The following AGO2 variants were observed in gnomAD, a reference collection of about 807,000 sequenced individuals.
AGO2 encodes the protein protein argonaute-2.
Under a neutral mutation model 102.3 loss-of-function variants are expected in AGO2, and 5 were observed. The observed-to-expected ratio is 0.05, with a 90% CI of 0.03 to 0.10. The LOEUF is 0.10. Among genes scored for constraint, AGO2 ranks in the 10% least tolerant of loss-of-function variants. AGO2 has a pLI of 1.00. For synonymous variants in AGO2, 449 were observed against 473.1 expected, an observed-to-expected ratio of 0.95 and a Z score of 0.66; for missense variants, 541 against 1,183.7, an observed-to-expected ratio of 0.46 and a Z score of 7.97.
At chr8:140,611,822 C>G (rs539145961) in intron 1 of AGO2, among the ~76,000 whole-genome samples, 3 of 152,286 alleles carry the variant, frequency 2.0e-5, no homozygotes, top group African/African-American at 4.8e-5. Context: ...AAGAAAATGG[C>G]TGATGGTGTC....
At chr8:140,538,549 C>G (rs1421366273) in intron 16 of AGO2, among the ~76,000 whole-genome samples, 2 of 152,236 alleles carry the variant, frequency 1.3e-5, no homozygotes, top group African/African-American at 4.8e-5. Flanking sequence ...CCTCATTCCC[C>G]TTCCGGAACA....
rs186159637 is a variant in AGO2 at position 140,587,286 on chromosome 8, T to C, written c.23-1975A>G. ...TCATAAAACATGCAATTTCCTAAGA[T>C]AGTTCTTTCTTGCTTCTAGCTTTCA... On this transcript the variant is annotated intron_variant, in intron 1 of 18. Transcript: ENST00000220592. Among the ~76,000 whole-genome samples, 19 of 152,366 alleles carry C rather than the reference T, an allele frequency of 1.2e-4. 1 individual carries two copies. In the East Asian group the frequency reaches 3.7e-3, roughly 29 times the overall value.
chr8:140,611,713 C>T (rs1473417532), intron 1 of AGO2, among the ~76,000 whole-genome samples: 1 of 152,056 alleles, frequency 6.6e-6, no homozygotes, highest in East Asian at 1.9e-4. Flanking sequence ...GTGAGGCTAC[C>T]CCAAGGAGAG....
chr8:140,542,573 GAA>G lies in AGO2; in HGVS notation c.1840-1217_1840-1216del, dbSNP rs199982320. The stretch of plus-strand genomic sequence containing the variant: ...CAGATTTCTCTGTTCCTGAAAACTT[GAA>G]AAAAAAAAAAAAAACCAGCCTAAGG... On this transcript the variant is annotated intron_variant, in intron 14 of 18. Transcript: ENST00000220592. Among the ~76,000 whole-genome samples, 428 of 101,746 alleles carry G rather than the reference GAA, an allele frequency of 4.2e-3. 3 individuals are homozygous for G. Among genetic ancestry groups the G allele is most frequent in the African/African-American group, 0.013 (397 of 30,920 alleles). 66.7% of individuals were successfully genotyped at this position (101,746 alleles called of 152,430 possible). A position where few individuals can be genotyped will look rare whatever the true frequency, so the allele number is the denominator to read the frequency against.
intron 1 of AGO2, among the ~76,000 whole-genome samples, chr8:140,631,623 G>A (rs771274741): frequency 2.0e-5 from 3 of 152,222 alleles, no homozygotes; most frequent in South Asian, 4.1e-4. Context: ...CTTTAGAGGC[G>A]GAAGGCAGAG....
rs746398455 is a variant in AGO2 at position 140,532,433 on chromosome 8, C to T, written c.2454G>A (p.Val818=). 2 of 1,613,598 alleles carry T rather than the reference C, an allele frequency of 1.2e-6. No homozygotes were observed. The highest frequency in any genetic ancestry group is 1.7e-6 in the Non-Finnish European group (2 of 1,179,902). ...LVAFRARYHL[V]DKEHDSAEGS... is the part of the protein sequence containing the mutation. ...CCACTCACCTGTCATGTTCCTTATC[C>T]ACCAGGTGGTACCTGGCCCGGAAGG... The change falls in exon 18 of 19, where the codon GTG becomes GTA. Residue 818 remains valine (V), a synonymous_variant. Transcript: ENST00000220592.
At chr8:140,553,745 C>G (rs1388352845) in intron 10 of AGO2, among the ~76,000 whole-genome samples, 6 of 151,650 alleles carry the variant, frequency 4.0e-5, no homozygotes, top group Non-Finnish European at 7.4e-5. Context: ...GTTGCCCAGG[C>G]TGGAGTAAAG....
At chr8:140,621,174 T>C (rs1271400197) in intron 1 of AGO2, among the ~76,000 whole-genome samples, 2 of 152,196 alleles carry the variant, frequency 1.3e-5, no homozygotes, top group Admixed American at 1.3e-4. Context: ...GCCAATCGTT[T>C]TCCACCCTGC....
chr8:140,595,821 T>A (rs371614656), intron 1 of AGO2, among the ~76,000 whole-genome samples: 14,949 of 35,486 alleles, frequency 0.42, 1,527 homozygotes, highest in Non-Finnish European at 0.49. Context: ...ATATATTATA[T>A]TTATATTATA....
intron 1 of AGO2, among the ~76,000 whole-genome samples, chr8:140,631,210 G>C (rs1248565492): frequency 6.6e-6 from 1 of 152,180 alleles, no homozygotes; most frequent in Non-Finnish European, 1.5e-5. Flanking sequence ...AAAAACGGAG[G>C]GGGAGGGGAG....
intron 10 of AGO2, among the ~76,000 whole-genome samples, chr8:140,554,586 T>C (rs1277561826): frequency 1.3e-5 from 2 of 152,248 alleles, no homozygotes; most frequent in Non-Finnish European, 2.9e-5. Flanking sequence ...GAACACCAAC[T>C]GCTTCTTGAG....
Position 140,567,075 on chromosome 8 carries a change from C to T in AGO2, c.337-4441G>A, listed in dbSNP as rs948681611. Among the ~76,000 whole-genome samples, 3 of 152,258 alleles carry T rather than the reference C, an allele frequency of 2.0e-5. No homozygotes were observed. Among genetic ancestry groups the T allele is most frequent in the African/African-American group, 7.2e-5 (3 of 41,470 alleles). Reference sequence around the variant, plus strand: ...TCGGATGCCTGTCAATGCCACCTTTCAAAAACCTCTGTAGTCAACACCGAG... The same window carrying T: ...TCGGATGCCTGTCAATGCCACCTTTTAAAAACCTCTGTAGTCAACACCGAG... On this transcript the variant is annotated intron_variant, in intron 3 of 18. Coordinates refer to ENST00000220592, the MANE Select transcript of AGO2 (RefSeq NM_012154.5). The surrounding 1 kb of genome is among the most constrained non-coding windows in gnomAD (Gnocchi z 5.0).
At chr8:140,537,553 T>C (rs1450474817) in intron 16 of AGO2, among the ~76,000 whole-genome samples, 1 of 152,152 alleles carries the variant, frequency 6.6e-6, no homozygotes, top group Non-Finnish European at 1.5e-5. Flanking sequence ...CCACCTACCT[T>C]GGCCTCCCAA....
At chr8:140,611,694 C>A (rs2074080797) in intron 1 of AGO2, among the ~76,000 whole-genome samples, 1 of 152,072 alleles carries the variant, frequency 6.6e-6, no homozygotes, top group Non-Finnish European at 1.5e-5. Context: ...TACCCACATA[C>A]CCCTAAGTGT....
At chr8:140,640,258 C>T (rs1387934202), upstream of AGO2, among the ~76,000 whole-genome samples, 1 of 152,168 alleles carries the variant, frequency 6.6e-6, no homozygotes, top group Non-Finnish European at 1.5e-5. Context: ...GATCTGTCTG[C>T]CTTGGCCTCC....
At chr8:140,595,896 T>A (rs1188035622) in intron 1 of AGO2, among the ~76,000 whole-genome samples, 2 of 121,300 alleles carry the variant, frequency 1.6e-5, no homozygotes, top group African/African-American at 6.6e-5. Flanking sequence ...TAATTATATA[T>A]ATTATGTATT....
chr8:140,551,045 T>C (rs2072984588), intron 11 of AGO2, among the ~76,000 whole-genome samples: 1 of 152,266 alleles, frequency 6.6e-6, no homozygotes, highest in African/African-American at 2.4e-5. Flanking sequence ...TGTTTGGTTT[T>C]GTCTACGGTC....
chr8:140,544,730 C>T (rs1017908116), intron 13 of AGO2, among the ~76,000 whole-genome samples: 10 of 152,218 alleles, frequency 6.6e-5, no homozygotes, highest in East Asian at 1.9e-4. Flanking sequence ...CATGGGCAGA[C>T]GCTGAGAGGC....
chr8:140,595,966 A>AATTATATATATTATATAATATATAT (rs2133041066), intron 1 of AGO2, among the ~76,000 whole-genome samples: 1 of 125,786 alleles, frequency 8.0e-6, no homozygotes, highest in African/African-American at 3.0e-5. Flanking sequence ...AATATATATA[A>AATTATATATATTATATAATATATAT]ATTATATATA....
Sources: gnomAD v4.1 joint callset for allele counts (sites outside exome capture counted in the v4.1 genomes callset) on GRCh38, gnomAD v4.1.1 for gene constraint, Gnocchi (gnomAD v3.1) non-coding constraint, MANE v1.5 for transcripts, NCBI Gene and HGNC (gene_info 2026-07-23, HGNC 2026-07-21) for gene names.